The following SGCE variants were observed in gnomAD, a reference collection of about 807,000 sequenced individuals.
The protein encoded by SGCE is epsilon-sarcoglycan.
Under a neutral mutation model 57.8 loss-of-function variants are expected in SGCE, and 26 were observed. That is an observed-to-expected ratio of 0.45 (90% CI 0.33 to 0.62). The LOEUF (loss-of-function observed/expected upper bound fraction) is 0.62. Ranked by LOEUF, SGCE falls within the 20% of genes least tolerant of loss-of-function variation. SGCE has a pLI of 0.02. For missense variants in SGCE, 468 were observed against 548.6 expected (o/e 0.85, Z 1.47); for synonymous variants, 183 against 189.5 (o/e 0.97, Z 0.28).
intron 1 of SGCE, among the ~76,000 whole-genome samples, chr7:94,655,708 G>A (rs1808532864): frequency 6.6e-6 from 1 of 151,662 alleles, no homozygotes. Flanking sequence ...GGGGGATGTT[G>A]GGAACAGGAA....
At chr7:94,635,174 A>G (rs187123645) in intron 1 of SGCE, among the ~76,000 whole-genome samples, 3 of 152,332 alleles carry the variant, frequency 2.0e-5, no homozygotes, top group Admixed American at 2.0e-4. Context: ...TTCATTGGGA[A>G]GCATCGCAAA....
At chr7:94,595,330 G>A (rs570741596) in intron 9 of SGCE, among the ~76,000 whole-genome samples, 11 of 152,250 alleles carry the variant, frequency 7.2e-5, no homozygotes, top group African/African-American at 2.4e-4. Context: ...TTGAAAGAAA[G>A]CTTTGAATAT....
At chr7:94,647,013 C>T (rs988943942) in intron 1 of SGCE, among the ~76,000 whole-genome samples, 3 of 152,206 alleles carry the variant, frequency 2.0e-5, no homozygotes, top group Admixed American at 6.5e-5. Context: ...TATGTGTGTA[C>T]ACACAAAAAC....
chr7:94,611,815 C>T (rs1801091671), intron 5 of SGCE, among the ~76,000 whole-genome samples: 1 of 152,054 alleles, frequency 6.6e-6, no homozygotes, highest in South Asian at 2.1e-4. Context: ...CTCTACACAT[C>T]AAATTTATAT....
chr7:94,603,970 T>C (rs1293580302), intron 5 of SGCE, among the ~76,000 whole-genome samples: 1 of 152,146 alleles, frequency 6.6e-6, no homozygotes, highest in African/African-American at 2.4e-5. Context: ...CTGTTAGTTT[T>C]TCTACTACAC....
At chr7:94,625,193 CTGAA>C (rs1009005040) in intron 3 of SGCE, 5 of 151,712 alleles carry the variant, frequency 3.3e-5, no homozygotes, top group African/African-American at 7.3e-5. Context: ...TAAAAATCTA[CTGAA>C]TGAATTAGTA....
At chr7:94,604,041 A>G (rs1799673347) in intron 5 of SGCE, among the ~76,000 whole-genome samples, 1 of 152,086 alleles carries the variant, frequency 6.6e-6, no homozygotes, top group African/African-American at 2.4e-5. Flanking sequence ...TAAGACATTA[A>G]TATAAGGGTA....
chr7:94,623,306 A>G lies in SGCE; in HGVS notation c.463+19T>C, dbSNP rs759488852. 27 of 1,443,704 alleles carry G rather than the reference A, an allele frequency of 1.9e-5. No individual in the cohort carries two copies. Among genetic ancestry groups the G allele is most frequent in the Non-Finnish European group, 2.5e-5 (26 of 1,035,162 alleles). The allele number at this position is 1,443,704 out of a possible 1,614,324, so 89.4% of individuals were successfully genotyped here. On this transcript the variant is annotated intron_variant, in intron 4 of 10. Coordinates refer to ENST00000648936, the MANE Select transcript of SGCE (RefSeq NM_003919.3). The stretch of plus-strand genomic sequence containing the variant: ...TACTTCTTATAAATAAGAAATGATC[A>G]ACATATTTTCATACCTACCTTCTGC...
chr7:94,639,827 T>C (rs1806123528), intron 1 of SGCE, among the ~76,000 whole-genome samples: 1 of 152,190 alleles, frequency 6.6e-6, no homozygotes, highest in South Asian at 2.1e-4. Flanking sequence ...TGGCTAGGAA[T>C]GTTGTTAAGT....
At chr7:94,592,556 AT>A (rs1184200605) in intron 9 of SGCE, among the ~76,000 whole-genome samples, 7 of 152,194 alleles carry the variant, frequency 4.6e-5, no homozygotes, top group African/African-American at 7.2e-5. Context: ...TTCTCATTTT[AT>A]GTTCATTAAT....
chr7:94,649,251 C>T (rs955341995), intron 1 of SGCE, among the ~76,000 whole-genome samples: 5 of 152,074 alleles, frequency 3.3e-5, no homozygotes, highest in African/African-American at 1.2e-4. Flanking sequence ...CATGAAGATA[C>T]AAAAAATAAA....
intron 5 of SGCE, among the ~76,000 whole-genome samples, chr7:94,611,890 T>C (rs1376309889): frequency 6.6e-6 from 1 of 152,106 alleles, no homozygotes; most frequent in African/African-American, 2.4e-5. Context: ...GGGAAACAAA[T>C]AGTAAATAAT....
intron 1 of SGCE, among the ~76,000 whole-genome samples, chr7:94,649,739 G>C (rs1451824166): frequency 2.0e-5 from 3 of 152,208 alleles, no homozygotes; most frequent in Non-Finnish European, 4.4e-5. Flanking sequence ...TACAGTCAGA[G>C]TGAAAGTGAC....
At chr7:94,588,850 G>A in intron 9 of SGCE, 118 bp from the exon 10 acceptor site, 1 of 1,071,856 alleles carries the variant, frequency 9.3e-7, no homozygotes, top group East Asian at 2.5e-5. Flanking sequence ...ATGTAATCCA[G>A]CACAATTCCC....
intron 9 of SGCE, among the ~76,000 whole-genome samples, chr7:94,596,008 A>G (rs1584507744): frequency 6.6e-6 from 1 of 152,274 alleles, no homozygotes; most frequent in East Asian, 1.9e-4. Flanking sequence ...TACCCTATTT[A>G]TATAGAAGTG....
At chr7:94,622,379 G>GC (rs1802930773) in intron 4 of SGCE, 1 of 152,286 alleles carries the variant, frequency 6.6e-6, no homozygotes, top group Admixed American at 6.6e-5. Context: ...TGTAATCCCA[G>GC]CACTTTGGAA....
chr7:94,594,068 C>T (rs10499905), intron 9 of SGCE, among the ~76,000 whole-genome samples: 3,431 of 152,082 alleles, frequency 0.023, 229 homozygotes, highest in East Asian at 0.17. Context: ...TCTCTCTTGA[C>T]GTTCCTTTGA....
At chr7:94,587,449 A>C in intron 10 of SGCE, 1 of 1,192,838 alleles carries the variant, frequency 8.4e-7, no homozygotes, top group Non-Finnish European at 1.0e-6. Context: ...GCGAGATGGA[A>C]GCTACAAGGT....
intron 3 of SGCE, chr7:94,624,411 T>G: frequency 2.6e-6 from 1 of 391,152 alleles, no homozygotes; most frequent in Non-Finnish European, 4.5e-6. Flanking sequence ...AAATAAATAA[T>G]TTTAAACTTT....
Sources: gnomAD v4.1 joint callset for allele counts (sites outside exome capture counted in the v4.1 genomes callset) on GRCh38, gnomAD v4.1.1 for gene constraint, MANE v1.5 for transcripts, NCBI Gene and HGNC (gene_info 2026-07-23, HGNC 2026-07-21) for gene names.